The following ARSG variants were observed in gnomAD, a reference collection of about 807,000 sequenced individuals.
ARSG encodes arylsulfatase G, also known as ASG.
Under a neutral mutation model 50.5 loss-of-function variants are expected in ARSG, and 37 were observed. The ratio of observed to expected loss-of-function variants is 0.73; its 90% CI spans 0.56 to 0.96. The LOEUF (loss-of-function observed/expected upper bound fraction) is 0.96. Among genes scored for constraint, ARSG ranks in the 50% least tolerant of loss-of-function variants. The pLI, the probability that ARSG is intolerant of heterozygous loss-of-function variation, is 0.00. For missense variants in ARSG, 629 were observed against 675.3 expected (o/e 0.93, Z 0.76); for synonymous variants, 225 against 254.6 (o/e 0.88, Z 1.11).
At chr17:68,419,559 A>G (rs1026255263) in intron 11 of ARSG, among the ~76,000 whole-genome samples, 1 of 152,206 alleles carries the variant, frequency 6.6e-6, no homozygotes, top group Non-Finnish European at 1.5e-5. Context: ...CCTGGGTGAC[A>G]GAGCGAGACT....
Position 68,347,168 on chromosome 17 carries a change from C to G in ARSG, c.450C>G (p.Phe150Leu), listed in dbSNP as rs778599263. The G allele has an allele frequency of 8.1e-6, 13 of 1,613,792 alleles. No homozygotes were observed. The highest frequency in any genetic ancestry group is 4.0e-5 in the African/African-American group (3 of 74,916). ...ACCACGGCTCTTATCACCCCAACTT[C>G]CGTGGTAAGAATTCTTTTGGGGATT... ...LGHHGSYHPN[F>L]RGFDYYFGIP... is the part of the protein sequence containing the mutation. Residue 150 changes from phenylalanine (F) to leucine (L), a missense_variant, in exon 4 of 12, where the codon TTC (phenylalanine) becomes TTG (leucine). By Grantham distance (22) the Phe-to-Leu change is conservative (BLOSUM62 0). Transcript: ENST00000621439.
chr17:68,352,183 GAC>G (rs147799783), intron 5 of ARSG, among the ~76,000 whole-genome samples: 2,693 of 124,876 alleles, frequency 0.022, 149 homozygotes, highest in Admixed American at 0.11. Context: ...GAGAGAGAGA[GAC>G]AGAGACAGAG....
At chr17:68,385,995 T>G (rs968901026) in intron 9 of ARSG, among the ~76,000 whole-genome samples, 1 of 152,178 alleles carries the variant, frequency 6.6e-6, no homozygotes, top group East Asian at 1.9e-4. Context: ...CCATGATGCT[T>G]CTTAATGAGC....
At chr17:68,278,744 C>T (rs570116228) in intron 1 of ARSG, among the ~76,000 whole-genome samples, 98 of 151,804 alleles carry the variant, frequency 6.5e-4, no homozygotes, top group African/African-American at 2.0e-3. Context: ...CTCAGCCTCC[C>T]GAGTAGCTGG....
chr17:68,330,035 C>T (rs1471072842), intron 2 of ARSG, among the ~76,000 whole-genome samples: 2 of 151,916 alleles, frequency 1.3e-5, no homozygotes. Context: ...CATGGTGAAA[C>T]CCTGTCTCTA....
At chr17:68,312,913 A>G in intron 2 of ARSG, among the ~76,000 whole-genome samples, 1 of 152,220 alleles carries the variant, frequency 6.6e-6, no homozygotes, top group South Asian at 2.1e-4. Flanking sequence ...TTATTTGTGC[A>G]TGAATTTTCT....
intron 9 of ARSG, among the ~76,000 whole-genome samples, chr17:68,387,091 A>T (rs960600152): frequency 9.8e-5 from 14 of 142,966 alleles, no homozygotes; most frequent in East Asian, 3.9e-4. Context: ...ACACACACAC[A>T]CACACACACA....
At chr17:68,366,244 AT>A (rs138890840) in intron 6 of ARSG, among the ~76,000 whole-genome samples, 53,271 of 123,268 alleles carry the variant, frequency 0.43, 10,598 homozygotes, top group Admixed American at 0.52. Flanking sequence ...TGGCAAAAAA[AT>A]AAAATAAAAT....
rs117069909 is a variant in ARSG, at chr17:68,420,736, T to G, written c.*273T>G. 6.4e-6 allele frequency: 3 copies of G among 467,604 alleles called. No individual in the cohort carries two copies. In the Admixed American group the frequency reaches 1.2e-4, roughly 18 times the overall value. 29.0% of individuals were successfully genotyped at this position (467,604 alleles called of 1,614,324 possible). ...CAGGTGCCAGCTCCAGCTTTTGAAC[T>G]TGGGCAATTGTTTAACCTAACCTGC... On this transcript the variant is annotated 3_prime_UTR_variant, in exon 12 of 12. Coordinates refer to ENST00000621439, the MANE Select transcript of ARSG (RefSeq NM_001267727.2).
At chr17:68,419,850 T>C (rs959065026) in intron 11 of ARSG, among the ~76,000 whole-genome samples, 2 of 150,996 alleles carry the variant, frequency 1.3e-5, no homozygotes, top group African/African-American at 4.9e-5. Flanking sequence ...CCCATCTACT[T>C]GGGAGGCTGA....
chr17:68,437,659 A>G, the ARSG span, among the ~76,000 whole-genome samples: 11 of 152,316 alleles, frequency 7.2e-5, no homozygotes, highest in Middle Eastern at 0.01. Context: ...CTGCGTCTGC[A>G]GTCAAGATGG....
chr17:68,301,854 G>A (rs868938513), intron 1 of ARSG, among the ~76,000 whole-genome samples: 147 of 151,854 alleles, frequency 9.7e-4, no homozygotes, highest in African/African-American at 3.1e-3. Flanking sequence ...TGATGGCTGC[G>A]TAGCTTCCTC....
intron 2 of ARSG, among the ~76,000 whole-genome samples, chr17:68,323,094 C>T (rs2077360262): frequency 6.6e-6 from 1 of 151,662 alleles, no homozygotes; most frequent in Non-Finnish European, 1.5e-5. Context: ...CATGGAGGGT[C>T]TGGGAGGAGA....
chr17:68,274,049 C>T, intron 1 of ARSG: 1 of 1,614,086 alleles, frequency 6.2e-7, no homozygotes, highest in Non-Finnish European at 8.5e-7. Flanking sequence ...GAAACGATTG[C>T]TCAGGACTGT....
At chr17:68,352,231 G>A (rs899505901) in intron 5 of ARSG, among the ~76,000 whole-genome samples, 2 of 151,332 alleles carry the variant, frequency 1.3e-5, no homozygotes, top group Admixed American at 6.6e-5. Flanking sequence ...GCTTCTCCCC[G>A]CATGGACAAC....
chr17:68,289,404 A>T (rs1352697673), upstream of ARSG, among the ~76,000 whole-genome samples: 1 of 152,174 alleles, frequency 6.6e-6, no homozygotes, highest in African/African-American at 2.4e-5. Flanking sequence ...GGCATGAAAA[A>T]AATTGTATTA....
the ARSG span, among the ~76,000 whole-genome samples, chr17:68,443,572 GT>G: frequency 0.27 from 40,702 of 152,042 alleles, 5,602 homozygotes; most frequent in Admixed American, 0.3. Flanking sequence ...ACATTACCTT[GT>G]TTAATTCTCA....
intron 1 of ARSG, among the ~76,000 whole-genome samples, chr17:68,300,107 T>TTTG (rs1238063491): frequency 1.4e-4 from 22 of 152,038 alleles, no homozygotes; most frequent in African/African-American, 3.4e-4. Context: ...ATCCAGTTAT[T>TTTG]TTGTTGTTGT....
intron 9 of ARSG, among the ~76,000 whole-genome samples, chr17:68,394,288 G>A (rs1217206380): frequency 6.6e-6 from 1 of 152,112 alleles, no homozygotes; most frequent in African/African-American, 2.4e-5. Context: ...CATTACATTT[G>A]TGAGTGGAAG....
Sources: gnomAD v4.1 joint callset for allele counts (sites outside exome capture counted in the v4.1 genomes callset) on GRCh38, gnomAD v4.1.1 for gene constraint, MANE v1.5 for transcripts, NCBI Gene and HGNC (gene_info 2026-07-23, HGNC 2026-07-21) for gene names.